Variants in IFT122 observed in about 807,000 individuals in gnomAD.
IFT122 encodes intraflagellar transport 122.
A neutral mutation model predicts 161.6 loss-of-function variants in IFT122; 118 were observed. The observed-to-expected ratio is 0.73, with a 90% CI of 0.63 to 0.85. The LOEUF (loss-of-function observed/expected upper bound fraction) is 0.85. Ranked by LOEUF, IFT122 falls within the 40% of genes least tolerant of loss-of-function variation. The pLI is 0.00. For synonymous variants in IFT122, 550 were observed against 602.4 expected, an observed-to-expected ratio of 0.91 and a Z score of 1.27; for missense variants, 1,381 against 1,579.6, an observed-to-expected ratio of 0.87 and a Z score of 2.13.
At chr3:129,491,787 G>T (rs1372352973) in intron 16 of IFT122, among the ~76,000 whole-genome samples, 1 of 152,162 alleles carries the variant, frequency 6.6e-6, no homozygotes, top group African/African-American at 2.4e-5. Context: ...CTCCTGCTGT[G>T]ATGCTGCGTG....
At chr3:129,517,098 C>T (rs2083970664) in intron 26 of IFT122, among the ~76,000 whole-genome samples, 1 of 146,632 alleles carries the variant, frequency 6.8e-6, no homozygotes, top group African/African-American at 2.6e-5. Context: ...ACTGCCCCTG[C>T]ACACAGACAC....
At chr3:129,517,268 G>GCGCGCGCGCGCGCGCGCACA (rs1553776447) in intron 26 of IFT122, among the ~76,000 whole-genome samples, 9 of 117,120 alleles carry the variant, frequency 7.7e-5, no homozygotes, top group Admixed American at 2.6e-4. Flanking sequence ...CATTGCTCCT[G>GCGCGCGCGCGCGCGCGCACA]CACACACACA....
chr3:129,440,245 T>TTGTGGAG lies in IFT122; in HGVS notation c.-83_-77dup. ...GGGTAACGCAGGTAGCCAAAGTGGC[T>TTGTGGAG]TGTGGAGTGGCGACCGTTAGTGAGG... On this transcript the variant is annotated 5_prime_UTR_variant, in exon 1 of 30. Transcript: ENST00000348417. 6.6e-7 allele frequency: 1 copy of TTGTGGAG among 1,519,846 alleles called. No individual in the cohort carries two copies. The highest frequency in any genetic ancestry group is 8.9e-7 in the Non-Finnish European group (1 of 1,122,504). 94.1% of individuals were successfully genotyped at this position (1,519,846 alleles called of 1,614,324 possible).
At chr3:129,502,212 A>G (rs1472308999) in intron 19 of IFT122, among the ~76,000 whole-genome samples, 1 of 152,244 alleles carries the variant, frequency 6.6e-6, no homozygotes, top group Non-Finnish European at 1.5e-5. Flanking sequence ...GAGGGCAGTC[A>G]TTGAGGTATT....
intron 23 of IFT122, among the ~76,000 whole-genome samples, chr3:129,511,349 T>C (rs1257532827): frequency 6.6e-6 from 1 of 152,176 alleles, no homozygotes; most frequent in Non-Finnish European, 1.5e-5. Flanking sequence ...GTGAACTAAA[T>C]AGAAAATGCT....
intron 21 of IFT122, 147 bp from the exon 22 acceptor site, chr3:129,506,262 C>A: frequency 1.1e-6 from 1 of 871,442 alleles, no homozygotes; most frequent in Non-Finnish European, 1.9e-6. Context: ...TAGAGAAGCG[C>A]CATCCCAGCA....
chr3:129,459,301 T>A, intron 4 of IFT122: 1 of 453,612 alleles, frequency 2.2e-6, no homozygotes, highest in South Asian at 1.6e-5. Context: ...TTGTTTTGTT[T>A]TGTTTTGAGA....
intron 11 of IFT122, 94 bp downstream of exon 11, chr3:129,476,895 C>A: frequency 1.3e-6 from 2 of 1,516,956 alleles, no homozygotes; most frequent in East Asian, 2.3e-5. Context: ...GAAAAGGTTT[C>A]TCTTTGGCGT....
chr3:129,488,683 C>A (rs2079620559), intron 16 of IFT122, among the ~76,000 whole-genome samples: 1 of 152,014 alleles, frequency 6.6e-6, no homozygotes, highest in South Asian at 2.1e-4. Flanking sequence ...AGCAGCATGT[C>A]AGATTCTGGC....
chr3:129,476,142 G>A (rs2077917444), intron 9 of IFT122, 173 bp from the exon 10 acceptor site: 2 of 697,390 alleles, frequency 2.9e-6, no homozygotes, highest in South Asian at 1.7e-5. Flanking sequence ...GTAGGGAGAT[G>A]CAGAGGCAGA....
chr3:129,512,451 T>G lies in IFT122; in HGVS notation c.2987+39T>G, dbSNP rs755650510. 8 of 1,364,750 alleles carry G rather than the reference T, an allele frequency of 5.9e-6. No individual in the cohort carries two copies. The South Asian group carries it at 9.3e-5, about 16-fold the overall frequency. The allele number at this position is 1,364,750 out of a possible 1,614,324, so 84.5% of individuals were successfully genotyped here. On this transcript the variant is annotated intron_variant, in intron 24 of 29. Coordinates refer to ENST00000348417, the MANE Select transcript of IFT122 (RefSeq NM_052989.3). ...TATCCCTCCTCCGTCCCACCACCGT[T>G]CTTGTCTAATGGCCCCAAGAAATTC...
rs751910107 is a variant in IFT122 at position 129,514,400 on chromosome 3, T to A, written c.2999T>A (p.Phe1000Tyr). 1.3e-5 allele frequency: 21 copies of A among 1,613,958 alleles called. No individual in the cohort carries two copies. The Admixed American group carries it at 2.2e-4, about 17-fold the overall frequency. ...CCTGTTCACGGCAGGAAAATACTCT[T>A]CACCTTGGCCAAGCAGAGCAAGGCC... ...PSGISKVKIL[F>Y]TLAKQSKALG... The change falls in exon 25 of 30, where the codon TTC (phenylalanine) becomes TAC (tyrosine). Residue 1000 changes from phenylalanine (F) to tyrosine (Y), a missense_variant. Transcript: ENST00000348417.
chr3:129,506,597 C>T, intron 22 of IFT122, 48 bp downstream of exon 22: 1 of 1,612,364 alleles, frequency 6.2e-7, no homozygotes, highest in Non-Finnish European at 8.5e-7. Flanking sequence ...CCCACTCTGA[C>T]ACCAAGATAA....
intron 9 of IFT122, among the ~76,000 whole-genome samples, chr3:129,473,697 C>A (rs72988844): frequency 0.038 from 5,789 of 152,274 alleles, 333 homozygotes; most frequent in African/African-American, 0.12. Flanking sequence ...CTTTGCTTCT[C>A]TTTTCTGGGA....
At chr3:129,447,659 C>G (rs924952483) in intron 1 of IFT122, among the ~76,000 whole-genome samples, 1 of 152,086 alleles carries the variant, frequency 6.6e-6, no homozygotes, top group Non-Finnish European at 1.5e-5. Flanking sequence ...ATTACAGGCG[C>G]CCGCCACCAC....
chr3:129,463,274 A>G, intron 5 of IFT122: 1 of 400,616 alleles, frequency 2.5e-6, no homozygotes, highest in South Asian at 2.2e-5. Flanking sequence ...GAACTAAGCC[A>G]TCACCATGCA....
intron 9 of IFT122, among the ~76,000 whole-genome samples, chr3:129,472,608 A>G (rs1211277189): frequency 6.6e-6 from 1 of 152,198 alleles, no homozygotes; most frequent in African/African-American, 2.4e-5. Context: ...ACACATTGAT[A>G]TCGTTCTGTC....
chr3:129,472,786 CTG>C (rs2077501274), intron 9 of IFT122, among the ~76,000 whole-genome samples: 1 of 152,126 alleles, frequency 6.6e-6, no homozygotes, highest in South Asian at 2.1e-4. Context: ...TCTTTTCCCT[CTG>C]ATCTTCAGAT....
intron 1 of IFT122, among the ~76,000 whole-genome samples, chr3:129,447,166 T>C (rs2074113067): frequency 6.6e-6 from 1 of 152,186 alleles, no homozygotes; most frequent in Admixed American, 6.5e-5. Context: ...AAGAGATTTA[T>C]TCTGAGCCTA....
Sources: gnomAD v4.1 joint callset for allele counts (sites outside exome capture counted in the v4.1 genomes callset) on GRCh38, gnomAD v4.1.1 for gene constraint, MANE v1.5 for transcripts, NCBI Gene and HGNC (gene_info 2026-07-23, HGNC 2026-07-21) for gene names.